Variants in GSG1L observed in about 807,000 individuals in gnomAD.
GSG1L encodes GSG1 like, also known as germ cell-specific gene 1-like protein.
Under a neutral mutation model 42.1 loss-of-function variants are expected in GSG1L, and 24 were observed. The observed-to-expected ratio is 0.57, with a 90% confidence interval of 0.41 to 0.80. The LOEUF is 0.80. Ranked by LOEUF, GSG1L falls within the 30% of genes least tolerant of loss-of-function variation. The pLI is 0.00. For missense variants in GSG1L, 445 were observed against 472.2 expected (o/e 0.94, Z 0.53); for synonymous variants, 215 against 203.5 (o/e 1.06, Z -0.48).
chr16:27,948,908 CTATTATTAT>C (rs372937677), intron 2 of GSG1L, among the ~76,000 whole-genome samples: 2 of 141,360 alleles, frequency 1.4e-5, no homozygotes, highest in Admixed American at 7.1e-5. Context: ...CGCACCTGAT[CTATTATTAT>C]TATTATTATT....
chr16:28,058,394 C>T (rs12445966), intron 1 of GSG1L, among the ~76,000 whole-genome samples: 50,365 of 151,926 alleles, frequency 0.33, 9,241 homozygotes, highest in Middle Eastern at 0.4. Flanking sequence ...TTTGGGAGGC[C>T]GAGGCAAGCG....
chr16:28,047,658 A>T (rs1175019119), intron 1 of GSG1L, among the ~76,000 whole-genome samples: 1 of 152,202 alleles, frequency 6.6e-6, no homozygotes, highest in East Asian at 1.9e-4. Context: ...GCAATATTAA[A>T]ATATGAAAAA....
At chr16:28,036,490 C>T (rs1170836293) in intron 1 of GSG1L, among the ~76,000 whole-genome samples, 2 of 133,240 alleles carry the variant, frequency 1.5e-5, no homozygotes, top group Non-Finnish European at 3.1e-5. Flanking sequence ...AACTCAGGCA[C>T]GCTCCTCACG....
At chr16:27,988,820 C>T (rs1248058207) in intron 1 of GSG1L, among the ~76,000 whole-genome samples, 6 of 150,552 alleles carry the variant, frequency 4.0e-5, no homozygotes, top group African/African-American at 1.5e-4. Flanking sequence ...TTTGGGAGGC[C>T]GAGGTGGGCG....
chr16:27,822,807 C>G (rs2083164387), intron 5 of GSG1L, among the ~76,000 whole-genome samples: 2 of 152,146 alleles, frequency 1.3e-5, no homozygotes, highest in African/African-American at 2.4e-5. Flanking sequence ...AGCAGGCTCC[C>G]TGCTCTCGTG....
intron 4 of GSG1L, among the ~76,000 whole-genome samples, chr16:27,840,292 C>T (rs901917090): frequency 5.9e-5 from 9 of 152,094 alleles, no homozygotes; most frequent in African/African-American, 1.4e-4. Flanking sequence ...CCACCTTGGC[C>T]TCCCAAGGTG....
intron 2 of GSG1L, among the ~76,000 whole-genome samples, chr16:27,915,848 G>A (rs1239986916): frequency 1.3e-5 from 2 of 152,180 alleles, no homozygotes; most frequent in East Asian, 1.9e-4. Flanking sequence ...ACAGCAGAGA[G>A]GTTAAAGGAA....
intron 2 of GSG1L, among the ~76,000 whole-genome samples, chr16:27,925,598 G>GT (rs2084583139): frequency 6.6e-6 from 1 of 151,950 alleles, no homozygotes; most frequent in Non-Finnish European, 1.5e-5. Flanking sequence ...CAGGAGAGAG[G>GT]TGGGTGCAGG....
chr16:28,001,857 CT>C (rs2085581545), intron 1 of GSG1L, among the ~76,000 whole-genome samples: 1 of 152,190 alleles, frequency 6.6e-6, no homozygotes, highest in Non-Finnish European at 1.5e-5. Context: ...GCAGCCTGGT[CT>C]CCACCCGCTG....
chr16:27,949,948 AC>A (rs970420795), intron 2 of GSG1L, among the ~76,000 whole-genome samples: 23 of 152,274 alleles, frequency 1.5e-4, no homozygotes, highest in Admixed American at 1.5e-3. Flanking sequence ...AAACAAACAA[AC>A]AAAAAGGAAA....
chr16:27,871,147 A>T (rs530248031), intron 3 of GSG1L, among the ~76,000 whole-genome samples: 2 of 152,164 alleles, frequency 1.3e-5, no homozygotes, highest in Non-Finnish European at 2.9e-5. Context: ...GTCTCTGAAC[A>T]TTCCCCCATG....
At chr16:27,796,329 G>A (rs2082817385) in intron 6 of GSG1L, among the ~76,000 whole-genome samples, 1 of 150,790 alleles carries the variant, frequency 6.6e-6, no homozygotes, top group Non-Finnish European at 1.5e-5. Flanking sequence ...CAGGGATGGC[G>A]CTAAGAAATC....
At chr16:27,870,518 C>T (rs941106950) in intron 3 of GSG1L, among the ~76,000 whole-genome samples, 3 of 151,346 alleles carry the variant, frequency 2.0e-5, no homozygotes, top group Admixed American at 6.6e-5. Flanking sequence ...TCATCATCTT[C>T]CTCTGCCTCC....
intron 1 of GSG1L, among the ~76,000 whole-genome samples, chr16:28,030,986 G>C (rs189638807): frequency 7.2e-6 from 1 of 138,896 alleles, no homozygotes; most frequent in African/African-American, 2.7e-5. Context: ...GATGGGTTGC[G>C]ATGGAATGGG....
chr16:27,897,434 G>A (rs1200603047), intron 2 of GSG1L, among the ~76,000 whole-genome samples: 4 of 152,124 alleles, frequency 2.6e-5, no homozygotes, highest in African/African-American at 4.8e-5. Context: ...AAGTCTCCAG[G>A]ACCACAGGCA....
intron 5 of GSG1L, among the ~76,000 whole-genome samples, chr16:27,813,671 G>T (rs760561127): frequency 2.0e-5 from 3 of 152,222 alleles, no homozygotes; most frequent in Non-Finnish European, 4.4e-5. Context: ...CAAGACACGG[G>T]ATCTGCAGAA....
intron 2 of GSG1L, among the ~76,000 whole-genome samples, chr16:27,893,174 T>C (rs56351210): frequency 0.1 from 15,175 of 152,204 alleles, 820 homozygotes; most frequent in African/African-American, 0.12. Flanking sequence ...TCATCAGGTG[T>C]GGGGCCAGGA....
At chr16:27,876,624 C>G (rs756184215) in intron 3 of GSG1L, among the ~76,000 whole-genome samples, 11 of 152,190 alleles carry the variant, frequency 7.2e-5, no homozygotes, top group Non-Finnish European at 1.6e-4. Context: ...TGCACTGTGC[C>G]TGCTCACAAC....
chr16:27,913,890 G>A (rs537138679), intron 2 of GSG1L, among the ~76,000 whole-genome samples: 7 of 151,886 alleles, frequency 4.6e-5, no homozygotes, highest in Admixed American at 2.6e-4. Flanking sequence ...CATGCTTATC[G>A]GAAAGAATTT....
Sources: gnomAD v4.1 joint callset for allele counts (sites outside exome capture counted in the v4.1 genomes callset) on GRCh38, gnomAD v4.1.1 for gene constraint, MANE v1.5 for transcripts, NCBI Gene and HGNC (gene_info 2026-07-23, HGNC 2026-07-21) for gene names.